The following RSU1 variants were observed in gnomAD, a reference collection of about 807,000 sequenced individuals.
RSU1 encodes the protein rsu-1.
RSU1 carries 26 observed loss-of-function variants against 31.1 expected under a neutral mutation model. The ratio of observed to expected loss-of-function variants is 0.84; its 90% CI spans 0.61 to 1.16. The LOEUF (loss-of-function observed/expected upper bound fraction) is 1.16, where lower values mean the gene tolerates loss of function less well. Among genes scored for constraint, RSU1 ranks in the 50% most tolerant of loss-of-function variants. RSU1 has a pLI of 0.00. For synonymous variants in RSU1, 164 were observed against 136.3 expected (o/e 1.20, Z -1.41); for missense variants, 320 against 339.1 (o/e 0.94, Z 0.44).
rs778185463 is a variant in RSU1, at chr10:16,764,504, G to A, written c.167C>T (p.Pro56Leu). 2.4e-5 allele frequency: 39 copies of A among 1,612,768 alleles called. 1 individual carries two copies. In the South Asian group the frequency reaches 4.1e-4, roughly 17 times the overall value. The stretch of plus-strand genomic sequence containing the variant: ...ATTCTTCAGTTCTGCGATGTTCGGT[G>A]GCACCACTATGGAAACAAAAATGCT... The part of the protein sequence containing the change: ...VLSHNKLTMV[P>L]PNIAELKNLE... Residue 56 changes from proline (P) to leucine (L), a missense_variant, in exon 4 of 9, where the codon CCA (proline) becomes CTA (leucine). Coordinates refer to ENST00000345264, the MANE Select transcript of RSU1 (RefSeq NM_012425.4).
chr10:16,634,908 T>A (rs1351696938), intron 8 of RSU1, among the ~76,000 whole-genome samples: 1 of 152,238 alleles, frequency 6.6e-6, no homozygotes, highest in Admixed American at 6.5e-5. Flanking sequence ...TACTTTTCAT[T>A]TATTATAGCT....
At chr10:16,689,059 C>A (rs1835494335) in intron 8 of RSU1, among the ~76,000 whole-genome samples, 1 of 151,426 alleles carries the variant, frequency 6.6e-6, no homozygotes, top group African/African-American at 2.4e-5. Context: ...ATTTTCATGT[C>A]TACTACACAG....
intron 8 of RSU1, among the ~76,000 whole-genome samples, chr10:16,650,396 T>C (rs1436774274): frequency 2.0e-5 from 3 of 152,140 alleles, no homozygotes; most frequent in Non-Finnish European, 4.4e-5. Flanking sequence ...GTTACATTTA[T>C]CAAACCTGCC....
chr10:16,795,071 A>C (rs10795427), intron 2 of RSU1, among the ~76,000 whole-genome samples: 23,951 of 152,140 alleles, frequency 0.16, 3,531 homozygotes, highest in African/African-American at 0.39. Context: ...ATGTTAGAAC[A>C]GTCCCGGCGT....
intron 3 of RSU1, among the ~76,000 whole-genome samples, chr10:16,779,485 G>A (rs571054930): frequency 5.3e-5 from 8 of 152,162 alleles, no homozygotes; most frequent in Non-Finnish European, 8.8e-5. Flanking sequence ...AGTCAACAGT[G>A]TCCCCAAATC....
At chr10:16,759,328 C>T (rs1480754892) in intron 4 of RSU1, among the ~76,000 whole-genome samples, 5 of 151,268 alleles carry the variant, frequency 3.3e-5, no homozygotes, top group Non-Finnish European at 7.4e-5. Context: ...GGCAAAAACC[C>T]GTCTATACCA....
rs188597332 is a variant in RSU1, at chr10:16,591,320, A to G, written c.*2074T>C. ...AGGCTTTTCTCTGTTTTTCTTGTGT[A>G]TGCAATGCTATAAGGACAATTCCTA... is the stretch of plus-strand genomic sequence containing the variant. On this transcript the variant is annotated 3_prime_UTR_variant, in exon 9 of 9. Transcript: ENST00000345264. 42 of 152,238 alleles carry G rather than the reference A, an allele frequency of 2.8e-4. No individual in the cohort carries two copies. The highest frequency in any genetic ancestry group is 9.4e-4 in the African/African-American group (39 of 41,544). The allele number at this position is 152,238 out of a possible 1,614,324, so 9.4% of individuals were successfully genotyped here. A position where few individuals can be genotyped will look rare whatever the true frequency, so the allele number is the denominator to read the frequency against.
intron 7 of RSU1, among the ~76,000 whole-genome samples, chr10:16,746,324 T>A (rs944298477): frequency 2.0e-5 from 3 of 152,182 alleles, no homozygotes; most frequent in Admixed American, 6.5e-5. Context: ...GCTGCTGGGA[T>A]TGGTGCAAAT....
chr10:16,812,184 G>A (rs1588553052), intron 2 of RSU1, among the ~76,000 whole-genome samples: 2 of 152,344 alleles, frequency 1.3e-5, no homozygotes, highest in East Asian at 3.9e-4. Context: ...GCTCACGCCT[G>A]TAATCCCAGA....
chr10:16,737,529 AAAAT>A (rs1325767212), intron 7 of RSU1, among the ~76,000 whole-genome samples: 1 of 152,068 alleles, frequency 6.6e-6, no homozygotes, highest in Non-Finnish European at 1.5e-5. Flanking sequence ...AACTGAAAAC[AAAAT>A]AAAAATATTT....
chr10:16,780,391 C>A (rs1837627107), intron 3 of RSU1, among the ~76,000 whole-genome samples: 1 of 152,092 alleles, frequency 6.6e-6, no homozygotes. Flanking sequence ...AGGTGCTGGA[C>A]CCACTATGTC....
chr10:16,776,031 C>G (rs1006032081), intron 3 of RSU1, among the ~76,000 whole-genome samples: 6 of 152,236 alleles, frequency 3.9e-5, no homozygotes, highest in African/African-American at 1.2e-4. Context: ...TGCACAAGAA[C>G]TTTTGCATAA....
chr10:16,727,458 T>A (rs964836946), intron 7 of RSU1, among the ~76,000 whole-genome samples: 5 of 152,156 alleles, frequency 3.3e-5, no homozygotes, highest in African/African-American at 1.2e-4. Context: ...AGAAGGCTGT[T>A]CAATCATGGA....
chr10:16,720,799 A>G (rs1239677229), intron 7 of RSU1, among the ~76,000 whole-genome samples: 1 of 152,246 alleles, frequency 6.6e-6, no homozygotes, highest in Middle Eastern at 3.4e-3. Context: ...CAGCCTGGGC[A>G]CCATGGCGAA....
intron 3 of RSU1, among the ~76,000 whole-genome samples, chr10:16,781,755 G>C (rs1165497921): frequency 6.6e-6 from 1 of 152,222 alleles, no homozygotes; most frequent in Admixed American, 6.5e-5. Flanking sequence ...GGGAGGCCAA[G>C]GCAGGACGAT....
intron 8 of RSU1, among the ~76,000 whole-genome samples, chr10:16,677,950 C>CAAG (rs1554765953): frequency 6.6e-6 from 1 of 151,362 alleles, no homozygotes; most frequent in African/African-American, 2.4e-5. Context: ...CTGAAACACA[C>CAAG]ACGTCATCTT....
At chr10:16,670,823 G>A (rs1013812556) in intron 8 of RSU1, among the ~76,000 whole-genome samples, 1 of 151,972 alleles carries the variant, frequency 6.6e-6, no homozygotes, top group African/African-American at 2.4e-5. Context: ...GGAGTCCAAC[G>A]GCACAATCTT....
chr10:16,741,618 G>A (rs937552945), intron 7 of RSU1, among the ~76,000 whole-genome samples: 5 of 152,174 alleles, frequency 3.3e-5, no homozygotes, highest in African/African-American at 9.7e-5. Context: ...GTGAGTGAGG[G>A]TGATAAGTAG....
At chr10:16,788,010 C>A (rs367740890) in intron 2 of RSU1, among the ~76,000 whole-genome samples, 44 of 152,124 alleles carry the variant, frequency 2.9e-4, no homozygotes, top group African/African-American at 9.1e-4. Context: ...AAATCTCACA[C>A]ATTTTTATTT....
Sources: allele counts gnomAD v4.1 joint callset (sites outside exome capture counted in the v4.1 genomes callset), GRCh38; gene constraint gnomAD v4.1.1; transcripts MANE v1.5; gene names NCBI Gene and HGNC (gene_info 2026-07-23, HGNC 2026-07-21).